CTNNBL1: variants seen among roughly 807,000 people sequenced by gnomAD.
CTNNBL1 encodes catenin beta like 1.
CTNNBL1 carries 31 observed loss-of-function variants against 72.7 expected under a neutral mutation model. The observed-to-expected ratio is 0.43, with a 90% confidence interval of 0.32 to 0.58. The LOEUF (loss-of-function observed/expected upper bound fraction) is 0.58, where lower values mean the gene tolerates loss of function less well. CTNNBL1 is among the 20% of genes least tolerant of loss of function. The pLI is 0.08. For missense variants in CTNNBL1, 534 were observed against 725.1 expected, an observed-to-expected ratio of 0.74 and a Z score of 3.03; for synonymous variants, 240 against 267.3, an observed-to-expected ratio of 0.90 and a Z score of 1.00.
At chr20:37,751,783 G>T (rs1160819114) in intron 4 of CTNNBL1, 1 of 152,208 alleles carries the variant, frequency 6.6e-6, no homozygotes, top group East Asian at 1.9e-4. Context: ...CTGGGAGGGA[G>T]TTGGTATTTG....
chr20:37,816,700 CT>C lies in CTNNBL1; in HGVS notation c.1213+13653del, dbSNP rs2072062637. ...TAACACTTTCCTTCCTTGTCCCTGG[CT>C]CCAAAGCAGAAAGAAAAGTATGGTA... On this transcript the variant is annotated intron_variant, in intron 11 of 15. Transcript: ENST00000361383. Among the ~76,000 whole-genome samples the C allele has an allele frequency of 7.2e-5, 11 of 151,958 alleles. No individual in the cohort carries two copies. In the South Asian group the frequency reaches 2.3e-3, roughly 32 times the overall value.
At chr20:37,865,585 G>A (rs2122872905) in intron 15 of CTNNBL1, among the ~76,000 whole-genome samples, 1 of 152,276 alleles carries the variant, frequency 6.6e-6, no homozygotes, top group South Asian at 2.1e-4. Flanking sequence ...GTTTCCGCAG[G>A]CAGCTACGCA....
chr20:37,721,094 A>G (rs994361643), intron 1 of CTNNBL1, among the ~76,000 whole-genome samples: 1 of 152,162 alleles, frequency 6.6e-6, no homozygotes, highest in Non-Finnish European at 1.5e-5. Context: ...CACGTACTCT[A>G]TTCTAAGGCA....
intron 7 of CTNNBL1, among the ~76,000 whole-genome samples, chr20:37,776,205 A>G (rs1239577384): frequency 6.6e-6 from 1 of 152,234 alleles, no homozygotes; most frequent in Non-Finnish European, 1.5e-5. Context: ...CCTTGCATTT[A>G]TAGATCTTTT....
At chr20:37,703,878 A>G (rs998174142) in intron 1 of CTNNBL1, among the ~76,000 whole-genome samples, 15 of 151,894 alleles carry the variant, frequency 9.9e-5, no homozygotes, top group African/African-American at 3.6e-4. Flanking sequence ...CCTGGGTTCA[A>G]GCGACTCTCC....
chr20:37,864,177 C>T (rs928645330), intron 15 of CTNNBL1, among the ~76,000 whole-genome samples: 1 of 151,542 alleles, frequency 6.6e-6, no homozygotes, highest in African/African-American at 2.4e-5. Flanking sequence ...TCTGGTTCTC[C>T]TTTTCATACC....
At chr20:37,751,134 T>C (rs1395739679) in intron 4 of CTNNBL1, 1 of 151,998 alleles carries the variant, frequency 6.6e-6, no homozygotes, top group African/African-American at 2.4e-5. Context: ...TATCAAGGTA[T>C]CGGGTCCATG....
chr20:37,802,929 AAGGCAC>A lies in CTNNBL1; in HGVS notation c.1097_1102del (p.Gly366_Thr367del). The A allele has an allele frequency of 6.2e-7, 1 of 1,614,124 alleles. No individual in the cohort carries two copies. The highest frequency in any genetic ancestry group is 8.5e-7 in the Non-Finnish European group (1 of 1,180,016). On this transcript the variant is annotated inframe_deletion, in exon 11 of 16. Coordinates refer to ENST00000361383, the MANE Select transcript of CTNNBL1 (RefSeq NM_030877.5). Reference sequence around the variant, plus strand: ...CTGGACCATGCCATGATTGGCCCCGAAGGCACAGACAACTGCCATAAGTTTGTTGAC... The same window carrying A: ...CTGGACCATGCCATGATTGGCCCCGAAGACAACTGCCATAAGTTTGTTGAC...
chr20:37,696,004 G>C (rs913618954), intron 1 of CTNNBL1, among the ~76,000 whole-genome samples: 1 of 152,222 alleles, frequency 6.6e-6, no homozygotes, highest in Middle Eastern at 3.2e-3. Context: ...GATAGTGAAA[G>C]ATGAAGGGAA....
intron 11 of CTNNBL1, among the ~76,000 whole-genome samples, chr20:37,823,989 G>T (rs1187277050): frequency 6.6e-6 from 1 of 152,226 alleles, no homozygotes; most frequent in Non-Finnish European, 1.5e-5. Flanking sequence ...TATGTGTTTA[G>T]TTGGGTGGGG....
At chr20:37,803,183 T>C in intron 11 of CTNNBL1, 135 bp downstream of exon 11, 2 of 776,058 alleles carry the variant, frequency 2.6e-6, no homozygotes, top group East Asian at 2.7e-5. Context: ...TATTTTCTTA[T>C]TTTTCATGAA....
intron 10 of CTNNBL1, among the ~76,000 whole-genome samples, chr20:37,797,654 C>A (rs955616746): frequency 6.6e-6 from 1 of 152,150 alleles, no homozygotes; most frequent in African/African-American, 2.4e-5. Context: ...CTCAACCCTT[C>A]GCACCCCCGC....
chr20:37,717,588 A>T (rs2122569555), intron 1 of CTNNBL1, among the ~76,000 whole-genome samples: 1 of 151,996 alleles, frequency 6.6e-6, no homozygotes, highest in East Asian at 1.9e-4. Flanking sequence ...TCCAAGTGAT[A>T]TGAGGCAGGA....
At chr20:37,717,352 G>A (rs2072995095) in intron 1 of CTNNBL1, among the ~76,000 whole-genome samples, 1 of 152,212 alleles carries the variant, frequency 6.6e-6, no homozygotes, top group Admixed American at 6.5e-5. Flanking sequence ...CAGAACCATT[G>A]TGTGAGTTCG....
At chr20:37,818,002 A>G (rs1004546186) in intron 11 of CTNNBL1, among the ~76,000 whole-genome samples, 2 of 152,192 alleles carry the variant, frequency 1.3e-5, no homozygotes, top group African/African-American at 4.8e-5. Flanking sequence ...TGAGCTCAGG[A>G]TTAAGCTTTA....
intron 15 of CTNNBL1, among the ~76,000 whole-genome samples, chr20:37,860,836 TA>T (rs1288126511): frequency 6.6e-6 from 1 of 152,232 alleles, no homozygotes; most frequent in Non-Finnish European, 1.5e-5. Context: ...TATATTGTTA[TA>T]ATTGTTCTGT....
chr20:37,718,465 A>AC lies in CTNNBL1; in HGVS notation c.31-14407dup, dbSNP rs541734480. ...GGGTGGCTGGCCGGGCGGGGGGCTG[A>AC]CCCCCCCACCTCCCTCCCAGACGGG... On this transcript the variant is annotated intron_variant, in intron 1 of 15. Coordinates refer to ENST00000361383, the MANE Select transcript of CTNNBL1 (RefSeq NM_030877.5). Among the ~76,000 whole-genome samples the AC allele has an allele frequency of 1.1e-4, 13 of 123,744 alleles. No individual in the cohort carries two copies. The East Asian group carries it at 1.5e-3, about 14-fold the overall frequency. 81.2% of individuals were successfully genotyped at this position (123,744 alleles called of 152,430 possible).
At chr20:37,775,083 T>G (rs994273413) in intron 7 of CTNNBL1, among the ~76,000 whole-genome samples, 1 of 152,216 alleles carries the variant, frequency 6.6e-6, no homozygotes, top group African/African-American at 2.4e-5. Context: ...TGCCAAAAAG[T>G]ACCTAATAGT....
chr20:37,852,959 C>T (rs2072409760), intron 13 of CTNNBL1, among the ~76,000 whole-genome samples: 1 of 152,152 alleles, frequency 6.6e-6, no homozygotes, highest in Non-Finnish European at 1.5e-5. Flanking sequence ...TACTCTGTTC[C>T]ACCTTGGCAG....
Sources: allele counts gnomAD v4.1 joint callset (sites outside exome capture counted in the v4.1 genomes callset), GRCh38; gene constraint gnomAD v4.1.1; transcripts MANE v1.5; gene names NCBI Gene and HGNC (gene_info 2026-07-23, HGNC 2026-07-21).